The following LCP1 variants were observed in gnomAD, a reference collection of about 807,000 sequenced individuals.
The protein encoded by LCP1 is plastin-2.
A neutral mutation model predicts 72.0 loss-of-function variants in LCP1; 23 were observed. The ratio of observed to expected loss-of-function variants is 0.32; its 90% confidence interval spans 0.23 to 0.45. The LOEUF is 0.45. Ranked by LOEUF, LCP1 falls within the 20% of genes least tolerant of loss-of-function variation. The pLI is 1.00. For synonymous variants in LCP1, 245 were observed against 275.4 expected (o/e 0.89, Z 1.09); for missense variants, 571 against 748.3 (o/e 0.76, Z 2.76).
At chr13:46,175,831 T>C (rs1164413690) in intron 1 of LCP1, among the ~76,000 whole-genome samples, 2 of 152,232 alleles carry the variant, frequency 1.3e-5, no homozygotes, top group South Asian at 2.1e-4. Flanking sequence ...ATTTTTAAGA[T>C]GACAAAAGAG....
At chr13:46,154,154 CAT>C (rs1181472235) in intron 6 of LCP1, among the ~76,000 whole-genome samples, 1 of 152,170 alleles carries the variant, frequency 6.6e-6, no homozygotes. Flanking sequence ...TAAGTGCATT[CAT>C]ATGTGTTTAA....
At chr13:46,131,650 T>C (rs747207981) in intron 14 of LCP1, among the ~76,000 whole-genome samples, 1 of 152,150 alleles carries the variant, frequency 6.6e-6, no homozygotes, top group South Asian at 2.1e-4. Flanking sequence ...GTGGTACATA[T>C]ACACCATGGA....
intron 7 of LCP1, 85 bp from the exon 8 acceptor site, chr13:46,151,163 A>G (rs1223041208): frequency 7.2e-7 from 1 of 1,380,916 alleles, no homozygotes; most frequent in Non-Finnish European, 9.8e-7. Flanking sequence ...AAGCTCTGCT[A>G]AAAAGCTAAA....
At chr13:46,180,291 C>G (rs537641827) in intron 1 of LCP1, among the ~76,000 whole-genome samples, 1 of 152,166 alleles carries the variant, frequency 6.6e-6, no homozygotes, top group African/African-American at 2.4e-5. Flanking sequence ...GCTTACACTA[C>G]GTGCTCATAA....
chr13:46,144,668 T>C (rs1227548723), intron 10 of LCP1, 148 bp from the exon 11 acceptor site: 11 of 621,540 alleles, frequency 1.8e-5, no homozygotes, highest in Non-Finnish European at 2.9e-5. Flanking sequence ...GGACGAGGGT[T>C]CTTATACTGT....
chr13:46,154,722 CCCTGAAAAAGG>C (rs139751178), intron 6 of LCP1, 72 bp downstream of exon 6: 1 of 1,105,608 alleles, frequency 9.0e-7, no homozygotes, highest in East Asian at 2.4e-5. Context: ...ATGTCTGAGC[CCCTGAAAAAGG>C]CGGACTCAGC....
At chr13:46,145,574 A>G (rs929985727) in intron 10 of LCP1, among the ~76,000 whole-genome samples, 1 of 152,132 alleles carries the variant, frequency 6.6e-6, no homozygotes, top group African/African-American at 2.4e-5. Flanking sequence ...TTTGGTGACT[A>G]AAGAAAAAAA....
At chr13:46,151,935 G>A (rs2045767125) in intron 7 of LCP1, among the ~76,000 whole-genome samples, 1 of 152,224 alleles carries the variant, frequency 6.6e-6, no homozygotes, top group African/African-American at 2.4e-5. Context: ...AGATAAGATG[G>A]TGAGAGAAGA....
intron 15 of LCP1, 112 bp from the exon 16 acceptor site, chr13:46,127,835 G>T: frequency 7.8e-7 from 1 of 1,279,592 alleles, no homozygotes; most frequent in Non-Finnish European, 1.1e-6. Flanking sequence ...ACTCACTCCT[G>T]CAGTGGCTGG....
chr13:46,142,162 G>A, intron 13 of LCP1, 130 bp downstream of exon 13: 1 of 905,220 alleles, frequency 1.1e-6, no homozygotes, highest in Non-Finnish European at 1.6e-6. Context: ...GGTAAAAAGT[G>A]TTTCTCTGGT....
intron 14 of LCP1, 88 bp from the exon 15 acceptor site, chr13:46,131,026 A>C (rs1276054634): frequency 3.9e-6 from 5 of 1,291,574 alleles, no homozygotes; most frequent in East Asian, 2.5e-5. Context: ...TTTTCTTCCT[A>C]AATATATAAT....
chr13:46,144,453 A>G lies in LCP1; in HGVS notation c.1242T>C (p.Asn414=). The G allele has an allele frequency of 1.2e-6, 2 of 1,612,908 alleles. No homozygotes were observed. Among genetic ancestry groups the G allele is most frequent in the South Asian group, 2.2e-5 (2 of 91,060 alleles). The change falls in exon 11 of 16, where the codon AAT becomes AAC. Residue 414 remains asparagine, a synonymous_variant. Transcript: ENST00000323076. ...CCAAATATTCCTACCTGTACAAATG[A>G]TTGACTCGAGGGTTAACACCCAGGG... The part of the protein sequence containing the change: ...MNSLGVNPRV[N]HLYSDLSDAL...
intron 1 of LCP1, among the ~76,000 whole-genome samples, chr13:46,175,844 C>T (rs1446723156): frequency 6.6e-6 from 1 of 152,144 alleles, no homozygotes; most frequent in Non-Finnish European, 1.5e-5. Context: ...CAAAAGAGTG[C>T]TCAACAGTGC....
At chr13:46,148,903 GA>G (rs1308728998) in intron 8 of LCP1, 2 of 334,638 alleles carry the variant, frequency 6.0e-6, no homozygotes, top group African/African-American at 4.5e-5. Flanking sequence ...AAGAGAAAAA[GA>G]TGTCAAAGAC....
intron 1 of LCP1, among the ~76,000 whole-genome samples, chr13:46,174,780 AAG>A (rs1406998936): frequency 5.3e-5 from 8 of 151,088 alleles, no homozygotes; most frequent in Non-Finnish European, 1.0e-4. Context: ...CAGTAGGCGG[AAG>A]TTGCAGTGAG....
At chr13:46,174,953 G>A (rs925936273) in intron 1 of LCP1, among the ~76,000 whole-genome samples, 1 of 152,038 alleles carries the variant, frequency 6.6e-6, no homozygotes, top group South Asian at 2.1e-4. Context: ...AGTGGATCAT[G>A]TTAGAAGATA....
intron 8 of LCP1, among the ~76,000 whole-genome samples, chr13:46,150,692 C>T (rs983989455): frequency 4.4e-4 from 67 of 152,048 alleles, no homozygotes; most frequent in African/African-American, 1.6e-3. Context: ...CACCTTTGTC[C>T]CTCTACTTCC....
At chr13:46,160,497 T>C (rs973554852) in intron 1 of LCP1, among the ~76,000 whole-genome samples, 2 of 152,206 alleles carry the variant, frequency 1.3e-5, no homozygotes, top group African/African-American at 4.8e-5. Context: ...TCAAAGGAAG[T>C]TAATCAAAAT....
At chr13:46,178,815 C>T (rs1472498081) in intron 1 of LCP1, among the ~76,000 whole-genome samples, 1 of 152,012 alleles carries the variant, frequency 6.6e-6, no homozygotes, top group Non-Finnish European at 1.5e-5. Context: ...TAATAAAGTC[C>T]AAGCCTTTAT....
Sources: gnomAD v4.1 joint callset for allele counts (sites outside exome capture counted in the v4.1 genomes callset) on GRCh38, gnomAD v4.1.1 for gene constraint, MANE v1.5 for transcripts, NCBI Gene and HGNC (gene_info 2026-07-23, HGNC 2026-07-21) for gene names.